RERE: variants seen among roughly 807,000 people sequenced by gnomAD.
RERE encodes the protein arginine-glutamic acid dipeptide repeats protein.
Under a neutral mutation model 146.1 loss-of-function variants are expected in RERE, and 40 were observed. The ratio of observed to expected loss-of-function variants is 0.27; its 90% CI spans 0.21 to 0.36. RERE has a LOEUF of 0.36. Among genes scored for constraint, RERE ranks in the 10% least tolerant of loss-of-function variants. The pLI, the probability that RERE is intolerant of heterozygous loss-of-function variation, is 1.00. For synonymous variants in RERE, 1,003 were observed against 866.0 expected, an observed-to-expected ratio of 1.16 and a Z score of -2.78; for missense variants, 1,933 against 2,138.7, an observed-to-expected ratio of 0.90 and a Z score of 1.90.
At chr1:8,770,299 A>C (rs1437300821) in intron 1 of RERE, among the ~76,000 whole-genome samples, 4 of 152,206 alleles carry the variant, frequency 2.6e-5, no homozygotes, top group Non-Finnish European at 5.9e-5. Flanking sequence ...CAGAATGGGT[A>C]CTTATTTAAA....
intron 10 of RERE, among the ~76,000 whole-genome samples, chr1:8,481,856 T>A (rs972717298): frequency 6.6e-6 from 1 of 152,212 alleles, no homozygotes; most frequent in African/African-American, 2.4e-5. Context: ...GACATTCTTA[T>A]AAGCTGAGAC....
chr1:8,574,862 T>C (rs1381591629), intron 4 of RERE, among the ~76,000 whole-genome samples: 21 of 152,260 alleles, frequency 1.4e-4, no homozygotes, highest in Admixed American at 1.4e-3. Flanking sequence ...GTGTTCACTA[T>C]ATGAAAATTC....
chr1:8,422,884 T>A (rs1643931135), intron 11 of RERE, 77 bp from the exon 12 acceptor site: 1 of 1,055,360 alleles, frequency 9.5e-7, no homozygotes, highest in Admixed American at 1.7e-5. Flanking sequence ...ATATCTACAA[T>A]CAGCAGAATA....
intron 1 of RERE, among the ~76,000 whole-genome samples, chr1:8,676,472 TA>T (rs368593389): frequency 1.6e-4 from 23 of 145,462 alleles, no homozygotes; most frequent in Admixed American, 2.1e-4. Flanking sequence ...TTTTTTACAC[TA>T]AAAAAAAAAG....
intron 1 of RERE, among the ~76,000 whole-genome samples, chr1:8,781,332 TG>T (rs377203682): frequency 3.4e-5 from 5 of 148,714 alleles, no homozygotes; most frequent in African/African-American, 1.2e-4. Context: ...CTCCAGAGCC[TG>T]GTGACAGAGC....
intron 1 of RERE, among the ~76,000 whole-genome samples, chr1:8,671,355 C>T (rs912779124): frequency 1.3e-5 from 2 of 152,142 alleles, no homozygotes; most frequent in Admixed American, 6.5e-5. Flanking sequence ...ACAGAGAAGC[C>T]GTCTACATAG....
intron 1 of RERE, among the ~76,000 whole-genome samples, chr1:8,814,949 T>A (rs1641882768): frequency 6.6e-6 from 1 of 152,222 alleles, no homozygotes; most frequent in South Asian, 2.1e-4. Flanking sequence ...GACATCTGTA[T>A]TAGCAGCTCG....
At chr1:8,464,977 T>G (rs147471222) in intron 11 of RERE, 1 of 152,348 alleles carries the variant, frequency 6.6e-6, no homozygotes, top group East Asian at 1.9e-4. Flanking sequence ...ATACAATTTC[T>G]AAACATTCTT....
intron 4 of RERE, among the ~76,000 whole-genome samples, chr1:8,561,993 C>A (rs1225012399): frequency 6.6e-6 from 1 of 152,178 alleles, no homozygotes; most frequent in Non-Finnish European, 1.5e-5. Context: ...CAAGTAACTT[C>A]TCCAAGCCTC....
Position 8,356,046 on chromosome 1 carries a change from C to T in RERE, c.4486+54G>A. ...TAATGAATGAAGACAGCAGACCAGA[C>T]CCCAACCCAACCCTCACACGGCCTC... is the stretch of plus-strand genomic sequence containing the variant. On this transcript the variant is annotated intron_variant, in intron 21 of 22. Transcript: ENST00000400908. This position sits in a 1 kb window ranked among gnomAD's most constrained non-coding sequence, Gnocchi z 5.2. 2 of 1,454,092 alleles carry T rather than the reference C, an allele frequency of 1.4e-6. No individual in the cohort carries two copies. The highest frequency in any genetic ancestry group is 1.8e-6 in the Non-Finnish European group (2 of 1,103,552). The allele number at this position is 1,454,092 out of a possible 1,614,324, so 90.1% of individuals were successfully genotyped here.
intron 4 of RERE, among the ~76,000 whole-genome samples, chr1:8,562,843 T>C (rs765419405): frequency 1.3e-5 from 2 of 152,150 alleles, no homozygotes; most frequent in African/African-American, 4.8e-5. Context: ...AGGAGATTAA[T>C]AGAGGACAAA....
chr1:8,372,507 C>CGTGTGTGTGTGTGTGTGTGT (rs6143111), intron 12 of RERE, among the ~76,000 whole-genome samples: 3,559 of 131,720 alleles, frequency 0.027, 159 homozygotes, highest in East Asian at 0.086. Flanking sequence ...ACCATCAGGT[C>CGTGTGTGTGTGTGTGTGTGT]GTGTGTGTGT....
chr1:8,751,083 T>C (rs1440065064), intron 1 of RERE: 3 of 514,330 alleles, frequency 5.8e-6, no homozygotes, highest in Non-Finnish European at 1.1e-5. Flanking sequence ...TGAGGCGGAA[T>C]GAAGAAAACC....
chr1:8,599,431 T>G (rs1646595098), intron 4 of RERE, among the ~76,000 whole-genome samples: 1 of 152,172 alleles, frequency 6.6e-6, no homozygotes, highest in South Asian at 2.1e-4. Context: ...AGGCCAATAC[T>G]AAACTGTTAA....
At chr1:8,558,387 G>A (rs941143481) in intron 4 of RERE, among the ~76,000 whole-genome samples, 9 of 152,184 alleles carry the variant, frequency 5.9e-5, no homozygotes, top group Non-Finnish European at 1.0e-4. Context: ...AACAGGGAGT[G>A]CACTGAGGTT....
At chr1:8,407,396 A>T (rs1643478320) in intron 12 of RERE, among the ~76,000 whole-genome samples, 1 of 152,238 alleles carries the variant, frequency 6.6e-6, no homozygotes, top group Admixed American at 6.5e-5. Flanking sequence ...TAGGATACAA[A>T]GGAAGCACAT....
intron 16 of RERE, 32 bp downstream of exon 16, chr1:8,362,651 G>A (rs373986914): frequency 1.2e-6 from 2 of 1,613,732 alleles, no homozygotes; most frequent in South Asian, 1.1e-5. Flanking sequence ...GGGAGGGACA[G>A]AGTAGGCCCT....
At chr1:8,742,011 T>C (rs528327189) in intron 1 of RERE, among the ~76,000 whole-genome samples, 2 of 152,232 alleles carry the variant, frequency 1.3e-5, no homozygotes, top group East Asian at 1.9e-4. Context: ...TGAATTTATA[T>C]GATTTCAGTA....
intron 12 of RERE, among the ~76,000 whole-genome samples, chr1:8,403,442 T>A (rs1643332381): frequency 6.6e-6 from 1 of 151,360 alleles, no homozygotes; most frequent in Non-Finnish European, 1.5e-5. Flanking sequence ...TCTTTTTTTT[T>A]TTTTTTCCTG....
Sources: allele counts gnomAD v4.1 joint callset (sites outside exome capture counted in the v4.1 genomes callset), GRCh38; gene constraint gnomAD v4.1.1; non-coding constraint Gnocchi (gnomAD v3.1); transcripts MANE v1.5; gene names NCBI Gene and HGNC (gene_info 2026-07-23, HGNC 2026-07-21).